Variants in CHODL observed in about 807,000 individuals in gnomAD.
The protein encoded by CHODL is transmembrane protein MT75.
Under a neutral mutation model 34.5 loss-of-function variants are expected in CHODL, and 29 were observed. The observed-to-expected ratio is 0.84, with a 90% CI of 0.63 to 1.15. CHODL has a LOEUF of 1.15. CHODL is among the 50% of genes most tolerant of loss of function. CHODL has a pLI of 0.00. For synonymous variants in CHODL, 125 were observed against 116.1 expected, an observed-to-expected ratio of 1.08 and a Z score of -0.49; for missense variants, 332 against 332.5, an observed-to-expected ratio of 1.00 and a Z score of 0.01.
chr21:18,100,584 A>C (rs1294201046), intron 2 of CHODL, among the ~76,000 whole-genome samples: 2 of 152,156 alleles, frequency 1.3e-5, no homozygotes, highest in African/African-American at 4.8e-5. Context: ...GGACACCTGA[A>C]GAACTACAAA....
At position 18,078,527 on chromosome 21, in the gene CHODL, G is replaced by A. The variant is rs556731935; in HGVS notation, c.-45+50556G>A. Among the ~76,000 whole-genome samples, 309 of 152,196 alleles carry A rather than the reference G, an allele frequency of 2.0e-3. 3 individuals are homozygous for A. The highest frequency in any genetic ancestry group is 1.8e-4 in the Non-Finnish European group (12 of 68,002). ...TTTAGAATATTAAATGTACTAAAAAGCAGTTAACAGATATTATTGCAGATA... is the reference window on the plus strand; with the variant it reads ...TTTAGAATATTAAATGTACTAAAAAACAGTTAACAGATATTATTGCAGATA... On this transcript the variant is annotated intron_variant, in intron 2 of 6. Coordinates refer to the CHODL transcript ENST00000400127.
At chr21:18,197,738 G>A (rs1165557415) in intron 2 of CHODL, among the ~76,000 whole-genome samples, 1 of 152,176 alleles carries the variant, frequency 6.6e-6, no homozygotes, top group Non-Finnish European at 1.5e-5. Context: ...AGCACACTGG[G>A]TGCCATTTTG....
At chr21:18,009,406 A>G (rs2063990569) in intron 1 of CHODL, among the ~76,000 whole-genome samples, 1 of 152,192 alleles carries the variant, frequency 6.6e-6, no homozygotes, top group Non-Finnish European at 1.5e-5. Flanking sequence ...AAGAATGGTT[A>G]ATATATGCCT....
intron 2 of CHODL, among the ~76,000 whole-genome samples, chr21:18,182,935 A>G (rs1469948607): frequency 6.6e-6 from 1 of 152,208 alleles, no homozygotes; most frequent in Non-Finnish European, 1.5e-5. Flanking sequence ...ATATGGAGGT[A>G]GGCCAAGAGG....
chr21:18,198,438 A>C (rs760839791), intron 2 of CHODL, among the ~76,000 whole-genome samples: 11 of 152,206 alleles, frequency 7.2e-5, no homozygotes, highest in Non-Finnish European at 1.6e-4. Context: ...TTAACTAAAA[A>C]TAGAAGGCAG....
At chr21:17,982,685 T>TTA (rs1450353809) in intron 1 of CHODL, among the ~76,000 whole-genome samples, 2 of 147,444 alleles carry the variant, frequency 1.4e-5, no homozygotes, top group African/African-American at 2.5e-5. Context: ...AAAAATCCCC[T>TTA]TATATATATT....
intron 2 of CHODL, among the ~76,000 whole-genome samples, chr21:18,181,415 C>G (rs989363309): frequency 6.6e-6 from 1 of 152,076 alleles, no homozygotes; most frequent in East Asian, 1.9e-4. Flanking sequence ...GTTTTTGTTT[C>G]TGTTTGAGAC....
At chr21:17,997,295 T>C (rs2146395309) in intron 1 of CHODL, among the ~76,000 whole-genome samples, 1 of 152,348 alleles carries the variant, frequency 6.6e-6, no homozygotes, top group Non-Finnish European at 1.5e-5. Context: ...AGACAGGGCA[T>C]GGCCAGCTTT....
intron 2 of CHODL, among the ~76,000 whole-genome samples, chr21:18,184,630 G>T (rs570756737): frequency 6.6e-6 from 1 of 152,136 alleles, no homozygotes; most frequent in African/African-American, 2.4e-5. Flanking sequence ...ATCAGGGCTG[G>T]ACAATGCCCA....
intron 2 of CHODL, among the ~76,000 whole-genome samples, chr21:18,064,454 A>G (rs932876674): frequency 3.3e-5 from 5 of 152,222 alleles, no homozygotes; most frequent in Admixed American, 6.5e-5. Context: ...ATATTTCAGT[A>G]GTTGTTTATA....
intron 2 of CHODL, among the ~76,000 whole-genome samples, chr21:18,107,440 G>T (rs1259941705): frequency 6.6e-6 from 1 of 152,140 alleles, no homozygotes; most frequent in Non-Finnish European, 1.5e-5. Flanking sequence ...AAAATACAGG[G>T]GCCTATCAAC....
rs59908803 is a variant in CHODL at position 18,001,773 on chromosome 21, CTTTT to C, written c.-144-26079_-144-26076del. 4.0e-3 allele frequency among the ~76,000 whole-genome samples: 497 copies of C among 124,172 alleles called. 8 individuals carry two copies. Among genetic ancestry groups the C allele is most frequent in the South Asian group, 0.036 (144 of 4,040 alleles). 81.5% of individuals were successfully genotyped at this position (124,172 alleles called of 152,430 possible). On this transcript the variant is annotated intron_variant, in intron 1 of 6. Coordinates refer to the CHODL transcript ENST00000400127. Reference sequence around the variant, plus strand: ...TCATGCCATACGTTGGCCTCATCCTCTTTTTTTTTTTTTTTTTTTTTTTAATTTC... The same window carrying C: ...TCATGCCATACGTTGGCCTCATCCTCTTTTTTTTTTTTTTTTTTTAATTTC...
At chr21:18,212,539 A>G (rs2073784516) in intron 2 of CHODL, among the ~76,000 whole-genome samples, 2 of 149,396 alleles carry the variant, frequency 1.3e-5, no homozygotes, top group African/African-American at 5.0e-5. Flanking sequence ...GGGTGTTTTC[A>G]TTGGATGTAC....
At chr21:18,174,139 A>ATCTTGG (rs372176442) in intron 2 of CHODL, among the ~76,000 whole-genome samples, 1 of 88,424 alleles carries the variant, frequency 1.1e-5, no homozygotes, top group Non-Finnish European at 2.4e-5. Context: ...ATATATATAT[A>ATCTTGG]TATATATATA....
intron 1 of CHODL, among the ~76,000 whole-genome samples, chr21:17,919,962 T>A (rs1285930680): frequency 6.6e-6 from 1 of 152,024 alleles, no homozygotes; most frequent in Non-Finnish European, 1.5e-5. Context: ...ATAACAAGAG[T>A]CACCTTTGCT....
intron 1 of CHODL, among the ~76,000 whole-genome samples, chr21:17,953,516 T>C (rs1207384354): frequency 6.6e-6 from 1 of 151,850 alleles, no homozygotes; most frequent in Non-Finnish European, 1.5e-5. Flanking sequence ...TAAAATACTT[T>C]AAAAACTCAA....
intron 1 of CHODL, among the ~76,000 whole-genome samples, chr21:17,948,680 A>G (rs749754767): frequency 6.6e-6 from 1 of 152,198 alleles, no homozygotes; most frequent in Non-Finnish European, 1.5e-5. Flanking sequence ...TGCTGGACAC[A>G]TACAATCTAT....
At chr21:18,074,258 C>T (rs547366961) in intron 2 of CHODL, among the ~76,000 whole-genome samples, 1 of 152,248 alleles carries the variant, frequency 6.6e-6, no homozygotes, top group African/African-American at 2.4e-5. Flanking sequence ...TCTGTTAGAA[C>T]AATGAGAATT....
intron 2 of CHODL, among the ~76,000 whole-genome samples, chr21:18,172,779 T>C (rs1245354969): frequency 1.3e-5 from 2 of 152,164 alleles, no homozygotes; most frequent in Non-Finnish European, 2.9e-5. Context: ...AATTTTGACT[T>C]AAAACAACAC....
Sources: allele counts gnomAD v4.1 joint callset (sites outside exome capture counted in the v4.1 genomes callset), GRCh38; gene constraint gnomAD v4.1.1; transcripts MANE v1.5; gene names NCBI Gene and HGNC (gene_info 2026-07-23, HGNC 2026-07-21).